RBFOX1: variants seen among roughly 807,000 people sequenced by gnomAD.
RBFOX1 encodes the protein RNA binding fox-1 homolog 1.
Under a neutral mutation model 57.7 loss-of-function variants are expected in RBFOX1, and 8 were observed. The observed-to-expected ratio is 0.14, with a 90% CI of 0.08 to 0.25. The LOEUF (loss-of-function observed/expected upper bound fraction) is 0.25, where lower values mean the gene tolerates loss of function less well. Ranked by LOEUF, RBFOX1 falls within the 10% of genes least tolerant of loss-of-function variation. The pLI, the probability that RBFOX1 is intolerant of heterozygous loss-of-function variation, is 1.00. For missense variants in RBFOX1, 611 were observed against 548.5 expected (o/e 1.11, Z -1.14); for synonymous variants, 326 against 222.4 (o/e 1.47, Z -4.15).
intron 2 of RBFOX1, among the ~76,000 whole-genome samples, chr16:6,519,537 C>T (rs374999156): frequency 6.6e-6 from 1 of 152,056 alleles, no homozygotes; most frequent in South Asian, 2.1e-4. Flanking sequence ...CCCGTCTGCA[C>T]TAAAAATACA....
Position 6,039,826 on chromosome 16 carries a change from A to T in RBFOX1, c.-127+19834A>T, listed in dbSNP as rs183308054. Reference sequence around the variant, plus strand: ...GGTCTCTCCTGATGTTGCAGCTGAGATGTTGGCTGGCGCTGTGTCACCTGA... The same window carrying T: ...GGTCTCTCCTGATGTTGCAGCTGAGTTGTTGGCTGGCGCTGTGTCACCTGA... On this transcript the variant is annotated intron_variant, in intron 1 of 15. Coordinates refer to ENST00000550418, the MANE Select transcript of RBFOX1 (RefSeq NM_018723.4). 1.8e-4 allele frequency among the ~76,000 whole-genome samples: 28 copies of T among 152,334 alleles called. No homozygotes were observed. The East Asian group carries it at 5.2e-3, about 28-fold the overall frequency.
At chr16:6,347,846 G>T (rs1310512029) in intron 2 of RBFOX1, among the ~76,000 whole-genome samples, 1 of 152,194 alleles carries the variant, frequency 6.6e-6, no homozygotes, top group Admixed American at 6.5e-5. Context: ...ATGAGTGAAT[G>T]TTGAATTAAT....
At chr16:6,203,853 G>T (rs2097234192) in intron 1 of RBFOX1, among the ~76,000 whole-genome samples, 1 of 152,122 alleles carries the variant, frequency 6.6e-6, no homozygotes, top group Non-Finnish European at 1.5e-5. Context: ...TTCTGGGTCT[G>T]CTTCTTTCAT....
In RBFOX1 at chr16:6,859,140, C is replaced by CGTATATATAT. The variant is rs1567592415; in HGVS notation, c.-15-192916_-15-192907dup. The stretch of plus-strand genomic sequence containing the variant: ...ATATATATATATATACATATATATA[C>CGTATATATAT]GTATATATATATGTATATATATACG... On this transcript the variant is annotated intron_variant, in intron 3 of 15. Coordinates refer to ENST00000550418, the MANE Select transcript of RBFOX1 (RefSeq NM_018723.4). Among the ~76,000 whole-genome samples, 145 of 91,492 alleles carry CGTATATATAT rather than the reference C, an allele frequency of 1.6e-3. 11 individuals carry two copies. The highest frequency in any genetic ancestry group is 7.5e-3 in the African/African-American group (137 of 18,172). 60.0% of individuals were successfully genotyped at this position (91,492 alleles called of 152,430 possible). A position where few individuals can be genotyped will look rare whatever the true frequency, so the allele number is the denominator to read the frequency against.
chr16:6,534,875 T>C (rs2096713862), intron 2 of RBFOX1, among the ~76,000 whole-genome samples: 1 of 152,154 alleles, frequency 6.6e-6, no homozygotes, highest in Non-Finnish European at 1.5e-5. Flanking sequence ...TGAATGACCA[T>C]GAAAAGTCCA....
At chr16:7,665,847 C>G (rs376232711) in intron 13 of RBFOX1, among the ~76,000 whole-genome samples, 2 of 152,124 alleles carry the variant, frequency 1.3e-5, no homozygotes, top group African/African-American at 2.4e-5. Flanking sequence ...AAATTGGTAT[C>G]ATGTACTAGA....
intron 3 of RBFOX1, among the ~76,000 whole-genome samples, chr16:7,001,539 C>T (rs561811839): frequency 4.6e-5 from 7 of 152,082 alleles, no homozygotes; most frequent in Non-Finnish European, 5.9e-5. Context: ...TCGTTGCAAC[C>T]TCCGCCTCCC....
intron 4 of RBFOX1, among the ~76,000 whole-genome samples, chr16:7,288,920 C>A (rs1353742245): frequency 1.3e-5 from 2 of 152,116 alleles, no homozygotes; most frequent in Non-Finnish European, 2.9e-5. Flanking sequence ...TGCAGGGGAA[C>A]AACATTGGAA....
chr16:6,081,301 C>G (rs779994104), intron 1 of RBFOX1, among the ~76,000 whole-genome samples: 1 of 152,166 alleles, frequency 6.6e-6, no homozygotes, highest in African/African-American at 2.4e-5. Flanking sequence ...ACAAGGTTCC[C>G]CCAAGACTGG....
chr16:6,379,359 G>A (rs2091549862), intron 2 of RBFOX1, among the ~76,000 whole-genome samples: 1 of 152,112 alleles, frequency 6.6e-6, no homozygotes, highest in Non-Finnish European at 1.5e-5. Context: ...CAGTTAGCCA[G>A]GATATTCCTG....
intron 3 of RBFOX1, among the ~76,000 whole-genome samples, chr16:6,715,177 C>G (rs943731871): frequency 2.0e-5 from 3 of 152,098 alleles, no homozygotes. Flanking sequence ...ACCCTCCTCA[C>G]TCATAATGAA....
intron 3 of RBFOX1, among the ~76,000 whole-genome samples, chr16:5,840,440 G>A (rs191704953): frequency 1.3e-5 from 2 of 152,292 alleles, no homozygotes; most frequent in East Asian, 1.9e-4. Context: ...TGTGCTCTGC[G>A]GGGTAGAAAG....
chr16:7,044,210 A>T (rs192915358), intron 3 of RBFOX1, among the ~76,000 whole-genome samples: 24 of 152,218 alleles, frequency 1.6e-4, no homozygotes, highest in African/African-American at 5.3e-4. Flanking sequence ...TGTGTGAGTA[A>T]ATATATATGA....
At chr16:6,951,263 G>A (rs1188610125) in intron 3 of RBFOX1, among the ~76,000 whole-genome samples, 1 of 152,034 alleles carries the variant, frequency 6.6e-6, no homozygotes, top group Admixed American at 6.6e-5. Context: ...AAACGTAATA[G>A]AGTCACCCAT....
At chr16:7,646,041 A>G (rs571489660) in intron 11 of RBFOX1, among the ~76,000 whole-genome samples, 23 of 152,096 alleles carry the variant, frequency 1.5e-4, no homozygotes, top group African/African-American at 4.3e-4. Context: ...CTAGAACTTA[A>G]TAAGTGCCAT....
intron 2 of RBFOX1, among the ~76,000 whole-genome samples, chr16:6,490,259 T>A (rs1378820885): frequency 6.6e-6 from 1 of 152,232 alleles, no homozygotes; most frequent in Admixed American, 6.5e-5. Context: ...GAAAAAAAGA[T>A]CTTGCAAGTA....
intron 2 of RBFOX1, among the ~76,000 whole-genome samples, chr16:6,485,921 T>C (rs1439442212): frequency 6.6e-6 from 1 of 152,094 alleles, no homozygotes; most frequent in Non-Finnish European, 1.5e-5. Context: ...TGCTGACTTA[T>C]GGGCCAGGTA....
At chr16:6,039,946 C>A (rs2095418267) in intron 1 of RBFOX1, among the ~76,000 whole-genome samples, 1 of 152,102 alleles carries the variant, frequency 6.6e-6, no homozygotes, top group South Asian at 2.1e-4. Flanking sequence ...GCTTCAATTC[C>A]CTGCCACATG....
At chr16:5,514,776 G>A (rs938823710) in intron 2 of RBFOX1, among the ~76,000 whole-genome samples, 1 of 152,082 alleles carries the variant, frequency 6.6e-6, no homozygotes, top group Non-Finnish European at 1.5e-5. Flanking sequence ...ATCAGAAGAG[G>A]GAGAGAGGGA....
Sources: gnomAD v4.1 joint callset for allele counts (sites outside exome capture counted in the v4.1 genomes callset) on GRCh38, gnomAD v4.1.1 for gene constraint, MANE v1.5 for transcripts, NCBI Gene and HGNC (gene_info 2026-07-23, HGNC 2026-07-21) for gene names.